Variants in SSPN observed in about 807,000 individuals in gnomAD.
The protein encoded by SSPN is K-ras oncogene-associated protein.
A neutral mutation model predicts 19.1 loss-of-function variants in SSPN; 15 were observed. The observed-to-expected ratio is 0.78, with a 90% CI of 0.52 to 1.21. The LOEUF (loss-of-function observed/expected upper bound fraction) is 1.21. Ranked by LOEUF, SSPN falls within the 50% of genes most tolerant of loss-of-function variation. SSPN has a pLI of 0.00. For missense variants in SSPN, 291 were observed against 314.0 expected (o/e 0.93, Z 0.55); for synonymous variants, 147 against 140.3 (o/e 1.05, Z -0.34).
intron 1 of SSPN, among the ~76,000 whole-genome samples, chr12:26,166,930 AT>A (rs1385307460): frequency 6.6e-6 from 1 of 152,268 alleles, no homozygotes; most frequent in African/African-American, 2.4e-5. Context: ...TTATGGAAGA[AT>A]TAGAAAAACA....
chr12:26,202,365 A>G (rs1360785820), intron 1 of SSPN, among the ~76,000 whole-genome samples: 1 of 152,148 alleles, frequency 6.6e-6, no homozygotes, highest in Non-Finnish European at 1.5e-5. Context: ...ATGTGTTATT[A>G]CTCCATTTTG....
Position 26,230,860 on chromosome 12 carries a change from C to T in SSPN, c.516C>T (p.Leu172=). The part of the protein sequence containing the change: ...CQCKLPSSEP[L]SRTFVYRDVT... ...GCAAACTGCCCTCCTCGGAGCCGCT[C>T]AGCAGGACCTTTGTTTACCGGGATG... Residue 172 remains leucine, a synonymous_variant, in exon 3 of 3, where the codon CTC becomes CTT. Transcript: ENST00000242729. The T allele has an allele frequency of 6.2e-7, 1 of 1,614,188 alleles. No individual in the cohort carries two copies. The highest frequency in any genetic ancestry group is 8.5e-7 in the Non-Finnish European group (1 of 1,180,048).
chr12:26,135,298 G>T (rs1944419126), intron 1 of SSPN, among the ~76,000 whole-genome samples: 1 of 152,134 alleles, frequency 6.6e-6, no homozygotes, highest in South Asian at 2.1e-4. Flanking sequence ...AAAGAGCTTG[G>T]TTACCAAGAG....
intron 1 of SSPN, among the ~76,000 whole-genome samples, chr12:26,178,893 C>G (rs1209473516): frequency 6.6e-6 from 1 of 152,216 alleles, no homozygotes; most frequent in Non-Finnish European, 1.5e-5. Context: ...TTCATTAAAT[C>G]ATTCACTTAT....
chr12:26,232,494 TTAAGA>T lies in SSPN; in HGVS notation c.*1422_*1426del, dbSNP rs1164675911. 16 of 985,224 alleles carry T rather than the reference TTAAGA, an allele frequency of 1.6e-5. No homozygotes were observed. Among genetic ancestry groups the T allele is most frequent in the Non-Finnish European group, 1.9e-5 (16 of 829,898 alleles). 61.0% of individuals were successfully genotyped at this position (985,224 alleles called of 1,614,324 possible). A position where few individuals can be genotyped will look rare whatever the true frequency, so the allele number is the denominator to read the frequency against. On this transcript the variant is annotated 3_prime_UTR_variant, in exon 3 of 3. Coordinates refer to ENST00000242729, the MANE Select transcript of SSPN (RefSeq NM_005086.5). ...CAGTATGCTTTGTTGAAAGCAGAAA[TTAAGA>T]TAATAATTGAGTTCAATTCGCCTCT...
chr12:26,198,198 C>G (rs1231415115), intron 1 of SSPN, among the ~76,000 whole-genome samples: 1 of 152,046 alleles, frequency 6.6e-6, no homozygotes, highest in African/African-American at 2.4e-5. Context: ...GAGACTTGCT[C>G]TGTCGCCCAG....
At chr12:26,228,612 CA>C (rs1463803109) in intron 2 of SSPN, among the ~76,000 whole-genome samples, 1 of 151,760 alleles carries the variant, frequency 6.6e-6, no homozygotes, top group African/African-American at 2.4e-5. Context: ...AAACTGTTCC[CA>C]GTTCTCTGCT....
In SSPN at chr12:26,175,264, G is replaced by A. The variant is rs953944972; in HGVS notation, c.-30-49029G>A. Among the ~76,000 whole-genome samples, 12 of 152,224 alleles carry A rather than the reference G, an allele frequency of 7.9e-5. No homozygotes were observed. In the East Asian group the frequency reaches 9.7e-4, roughly 12 times the overall value. ...TCCCATACCTATGAAGTGACACCTC[G>A]TTGTGATTTAATTTGCATTTTCCTA... is the stretch of plus-strand genomic sequence containing the variant. On this transcript the variant is annotated intron_variant, in intron 1 of 2. Transcript: ENST00000538142.
intron 1 of SSPN, among the ~76,000 whole-genome samples, chr12:26,141,305 G>A (rs1565670528): frequency 6.6e-6 from 1 of 152,166 alleles, no homozygotes; most frequent in Admixed American, 6.5e-5. Flanking sequence ...TCCAAGGACT[G>A]TGGGTGCCTC....
intron 1 of SSPN, among the ~76,000 whole-genome samples, chr12:26,139,354 A>C (rs1018379994): frequency 6.6e-6 from 1 of 152,152 alleles, no homozygotes; most frequent in African/African-American, 2.4e-5. Context: ...ATTTGTTAGA[A>C]CCTCATTTAT....
intron 1 of SSPN, among the ~76,000 whole-genome samples, chr12:26,196,758 G>A (rs1944834038): frequency 6.6e-6 from 1 of 152,194 alleles, no homozygotes; most frequent in South Asian, 2.1e-4. Context: ...GTCCTGATGG[G>A]ATCGTTTTAA....
At chr12:26,214,487 G>A (rs906394007) in intron 1 of SSPN, among the ~76,000 whole-genome samples, 1 of 151,902 alleles carries the variant, frequency 6.6e-6, no homozygotes, top group Non-Finnish European at 1.5e-5. Flanking sequence ...CATTTTATAG[G>A]TAGGGAAACT....
intron 1 of SSPN, among the ~76,000 whole-genome samples, chr12:26,201,677 C>T (rs1230728316): frequency 6.6e-6 from 1 of 151,704 alleles, no homozygotes; most frequent in East Asian, 1.9e-4. Context: ...ATATTCAACT[C>T]AGAAAGTTAG....
At chr12:26,124,939 C>T in intron 1 of SSPN, 1 of 758,056 alleles carries the variant, frequency 1.3e-6, no homozygotes, top group Non-Finnish European at 2.3e-6. Context: ...GCAGTTGGTC[C>T]CCCCCCTCCA....
At chr12:26,206,945 C>T (rs1277848807) in intron 1 of SSPN, among the ~76,000 whole-genome samples, 3 of 152,182 alleles carry the variant, frequency 2.0e-5, no homozygotes, top group Admixed American at 6.5e-5. Context: ...AGGTATGGTG[C>T]CCCCAAGAGC....
At chr12:26,215,142 G>C (rs904553071) in intron 1 of SSPN, among the ~76,000 whole-genome samples, 5 of 152,154 alleles carry the variant, frequency 3.3e-5, no homozygotes, top group Admixed American at 1.3e-4. Context: ...TATACTCCCG[G>C]TCCCTACCAC....
chr12:26,208,708 T>C (rs1471944929), intron 1 of SSPN, among the ~76,000 whole-genome samples: 2 of 152,136 alleles, frequency 1.3e-5, no homozygotes, highest in Non-Finnish European at 2.9e-5. Context: ...TGCTTTTGGG[T>C]ATTCATATCT....
chr12:26,179,770 G>T (rs895288569), intron 1 of SSPN, among the ~76,000 whole-genome samples: 1 of 152,030 alleles, frequency 6.6e-6, no homozygotes, highest in Non-Finnish European at 1.5e-5. Flanking sequence ...TTAGTTTCAG[G>T]CTACCTCTTG....
intron 1 of SSPN, among the ~76,000 whole-genome samples, chr12:26,187,558 G>C (rs1419710103): frequency 6.6e-6 from 1 of 152,206 alleles, no homozygotes; most frequent in Non-Finnish European, 1.5e-5. Context: ...CACGGCAAAA[G>C]ATCAGAAATA....
Sources: gnomAD v4.1 joint callset for allele counts (sites outside exome capture counted in the v4.1 genomes callset) on GRCh38, gnomAD v4.1.1 for gene constraint, MANE v1.5 for transcripts, NCBI Gene and HGNC (gene_info 2026-07-23, HGNC 2026-07-21) for gene names.